CPNE8: variants seen among roughly 807,000 people sequenced by gnomAD.
CPNE8 encodes copine-8.
A neutral mutation model predicts 81.5 loss-of-function variants in CPNE8; 45 were observed. The observed-to-expected ratio is 0.55, with a 90% confidence interval of 0.44 to 0.71. CPNE8 has a LOEUF of 0.71. CPNE8 is among the 30% of genes least tolerant of loss of function. The probability of loss-of-function intolerance (pLI) is 0.00; values close to 1 mark genes in which losing one functional copy is unlikely to be tolerated. For synonymous variants in CPNE8, 252 were observed against 226.3 expected (o/e 1.11, Z -1.02); for missense variants, 594 against 672.1 (o/e 0.88, Z 1.28).
chr12:38,654,843 C>T (rs1253267756), intron 19 of CPNE8, among the ~76,000 whole-genome samples: 1 of 152,066 alleles, frequency 6.6e-6, no homozygotes, highest in Non-Finnish European at 1.5e-5. Context: ...TTACCCAATT[C>T]AGGGTAAAAT....
chr12:38,724,504 T>C (rs1204859579), intron 12 of CPNE8, among the ~76,000 whole-genome samples: 1 of 152,174 alleles, frequency 6.6e-6, no homozygotes, highest in Non-Finnish European at 1.5e-5. Context: ...ATAAAGAGTA[T>C]AGTATTTCTT....
chr12:38,812,674 G>A (rs1942958101), intron 6 of CPNE8, among the ~76,000 whole-genome samples: 1 of 152,142 alleles, frequency 6.6e-6, no homozygotes, highest in African/African-American at 2.4e-5. Flanking sequence ...GAGCTTTTGG[G>A]GAGGTGTTTA....
chr12:38,673,293 C>T (rs1939220331), intron 18 of CPNE8, among the ~76,000 whole-genome samples: 1 of 152,106 alleles, frequency 6.6e-6, no homozygotes, highest in African/African-American at 2.4e-5. Context: ...TACCCAGTCT[C>T]ATTTCTTTAT....
At chr12:38,795,767 A>G (rs1376603675) in intron 6 of CPNE8, among the ~76,000 whole-genome samples, 1 of 152,182 alleles carries the variant, frequency 6.6e-6, no homozygotes, top group Admixed American at 6.5e-5. Flanking sequence ...GTTTTGTAAG[A>G]TGAAAAAGTT....
chr12:38,724,380 T>C (rs1385552507), intron 12 of CPNE8, among the ~76,000 whole-genome samples: 1 of 152,224 alleles, frequency 6.6e-6, no homozygotes, highest in Non-Finnish European at 1.5e-5. Context: ...TTTTATATTT[T>C]TTGATACATC....
chr12:38,719,584 G>A (rs1272352825), intron 13 of CPNE8, among the ~76,000 whole-genome samples: 49 of 124,126 alleles, frequency 3.9e-4, no homozygotes, highest in Admixed American at 5.0e-4. Flanking sequence ...ATTGTCTCAG[G>A]AAAAAAAAAA....
chr12:38,895,327 C>A (rs1172282729), intron 1 of CPNE8, among the ~76,000 whole-genome samples: 2 of 152,082 alleles, frequency 1.3e-5, no homozygotes, highest in Non-Finnish European at 2.9e-5. Context: ...TAAGAAAGCA[C>A]TGGACTGAAA....
At chr12:38,793,928 A>G (rs1942391334) in intron 6 of CPNE8, among the ~76,000 whole-genome samples, 1 of 152,126 alleles carries the variant, frequency 6.6e-6, no homozygotes, top group Admixed American at 6.5e-5. Context: ...GTACATGATA[A>G]GAAGACCTTT....
intron 10 of CPNE8, among the ~76,000 whole-genome samples, chr12:38,741,980 T>C (rs945009803): frequency 2.6e-5 from 4 of 152,144 alleles, no homozygotes; most frequent in African/African-American, 9.7e-5. Context: ...TGAGATACCA[T>C]CTCACACCAG....
At chr12:38,698,478 A>G (rs1406013682) in intron 14 of CPNE8, among the ~76,000 whole-genome samples, 1 of 152,208 alleles carries the variant, frequency 6.6e-6, no homozygotes, top group Non-Finnish European at 1.5e-5. Context: ...ATCAACTGCC[A>G]AATCCAAGGT....
intron 3 of CPNE8, among the ~76,000 whole-genome samples, chr12:38,849,029 A>G (rs1943599919): frequency 6.6e-6 from 1 of 152,200 alleles, no homozygotes; most frequent in African/African-American, 2.4e-5. Context: ...ACATATTCTT[A>G]TAATTGAAGA....
chr12:38,831,628 T>G lies in CPNE8; in HGVS notation c.331-2173A>C, dbSNP rs550646640. ...TTGTTTTCAAATACATAAAGAGAAT[T>G]TAAGATAAAGCTTTCCCATATTTAA... On this transcript the variant is annotated intron_variant, in intron 5 of 19. Transcript: ENST00000331366. 5.9e-5 allele frequency among the ~76,000 whole-genome samples: 9 copies of G among 152,376 alleles called. No individual in the cohort carries two copies. The South Asian group carries it at 1.7e-3, about 28-fold the overall frequency.
intron 6 of CPNE8, among the ~76,000 whole-genome samples, chr12:38,790,765 CAACA>C (rs1278099315): frequency 6.6e-6 from 1 of 151,426 alleles, no homozygotes; most frequent in East Asian, 1.9e-4. Flanking sequence ...TTAAAAACAA[CAACA>C]AACAAACAAA....
chr12:38,691,794 T>A (rs1187528054), intron 15 of CPNE8, among the ~76,000 whole-genome samples: 3 of 152,146 alleles, frequency 2.0e-5, no homozygotes, highest in African/African-American at 7.2e-5. Flanking sequence ...AAGGGCTGTA[T>A]CCTCACATCG....
chr12:38,854,022 T>A (rs1943687842), intron 3 of CPNE8, among the ~76,000 whole-genome samples: 1 of 152,054 alleles, frequency 6.6e-6, no homozygotes, highest in Admixed American at 6.6e-5. Flanking sequence ...TATGTTATAA[T>A]TAAATCTTAG....
At chr12:38,821,700 A>G (rs1037646525) in intron 6 of CPNE8, among the ~76,000 whole-genome samples, 1 of 152,198 alleles carries the variant, frequency 6.6e-6, no homozygotes, top group Non-Finnish European at 1.5e-5. Flanking sequence ...CTTCATCTGT[A>G]TGACTTTAGT....
intron 18 of CPNE8, chr12:38,671,011 T>C (rs996205521): frequency 6.3e-6 from 3 of 478,154 alleles, no homozygotes; most frequent in African/African-American, 4.1e-5. Flanking sequence ...CCAAGATCTT[T>C]TGTGACTCTT....
intron 5 of CPNE8, among the ~76,000 whole-genome samples, chr12:38,839,221 A>C (rs1943430228): frequency 6.6e-6 from 1 of 152,066 alleles, no homozygotes; most frequent in Non-Finnish European, 1.5e-5. Flanking sequence ...ATGGATTAGC[A>C]CAATGTTTCG....
intron 6 of CPNE8, among the ~76,000 whole-genome samples, chr12:38,799,253 T>TCAA (rs1942591698): frequency 6.6e-6 from 1 of 152,086 alleles, no homozygotes; most frequent in African/African-American, 2.4e-5. Context: ...TACATTTTTT[T>TCAA]CAGCACACCA....
Sources: allele counts gnomAD v4.1 joint callset (sites outside exome capture counted in the v4.1 genomes callset), GRCh38; gene constraint gnomAD v4.1.1; transcripts MANE v1.5; gene names NCBI Gene and HGNC (gene_info 2026-07-23, HGNC 2026-07-21).